Variants in BRINP1 observed in about 807,000 individuals in gnomAD.
The protein encoded by BRINP1 is BMP/retinoic acid-inducible neural-specific protein 1.
BRINP1 carries 17 observed loss-of-function variants against 72.9 expected under a neutral mutation model. The observed-to-expected ratio is 0.23, with a 90% CI of 0.16 to 0.35. BRINP1 has a LOEUF of 0.35. Ranked by LOEUF, BRINP1 falls within the 10% of genes least tolerant of loss-of-function variation. The pLI is 1.00. For synonymous variants in BRINP1, 418 were observed against 378.5 expected (o/e 1.10, Z -1.21); for missense variants, 850 against 1,001.6 (o/e 0.85, Z 2.04).
At chr9:119,169,581 A>G in intron 7 of BRINP1, among the ~76,000 whole-genome samples, 2 of 150,988 alleles carry the variant, frequency 1.3e-5, no homozygotes, top group East Asian at 3.9e-4. Flanking sequence ...CCCAGGCTTG[A>G]TTAGGTAAAC....
rs1831725821 is a variant in BRINP1 at position 119,368,990 on chromosome 9, A to T, written c.-51+66T>A. The stretch of plus-strand genomic sequence containing the variant: ...GGCAGAGGAGCGCGGGGACGCCCCG[A>T]ATGCGGCCCGGGGCCGGGTCCAAGG... On this transcript the variant is annotated intron_variant, in intron 1 of 7. Coordinates refer to ENST00000265922, the MANE Select transcript of BRINP1 (RefSeq NM_014618.3). This position sits in a 1 kb window ranked among gnomAD's most constrained non-coding sequence, Gnocchi z 4.7. 2.6e-6 allele frequency: 1 copy of T among 390,896 alleles called. No individual in the cohort carries two copies. Among genetic ancestry groups the T allele is most frequent in the Admixed American group, 4.5e-5 (1 of 22,426 alleles). The allele number at this position is 390,896 out of a possible 1,614,324, so 24.2% of individuals were successfully genotyped here. A position where few individuals can be genotyped will look rare whatever the true frequency, so the allele number is the denominator to read the frequency against.
intron 2 of BRINP1, among the ~76,000 whole-genome samples, chr9:119,253,085 G>T (rs1315812150): frequency 6.6e-6 from 1 of 152,150 alleles, no homozygotes; most frequent in Admixed American, 6.5e-5. Context: ...TTACCCTAAA[G>T]AACTAACTAC....
At chr9:119,221,811 C>T (rs1489381491) in intron 5 of BRINP1, among the ~76,000 whole-genome samples, 2 of 152,030 alleles carry the variant, frequency 1.3e-5, no homozygotes, top group Non-Finnish European at 1.5e-5. Context: ...TCAGACGTTT[C>T]AAAGGATGAA....
intron 7 of BRINP1, among the ~76,000 whole-genome samples, chr9:119,169,824 CT>C (rs1204137003): frequency 6.6e-6 from 1 of 152,216 alleles, no homozygotes; most frequent in African/African-American, 2.4e-5. Flanking sequence ...TCCCTGACCC[CT>C]GACCCCTGAG....
At chr9:119,193,079 G>C (rs1395836638) in intron 7 of BRINP1, among the ~76,000 whole-genome samples, 1 of 151,974 alleles carries the variant, frequency 6.6e-6, no homozygotes, top group African/African-American at 2.4e-5. Flanking sequence ...TAAATACTAT[G>C]ACATGGTTAT....
chr9:119,181,136 G>C (rs1235351083), intron 7 of BRINP1, among the ~76,000 whole-genome samples: 1 of 152,128 alleles, frequency 6.6e-6, no homozygotes, highest in East Asian at 1.9e-4. Context: ...GCTTCTCAAG[G>C]GTGACAGAAA....
At chr9:119,319,224 T>A (rs535066372) in intron 1 of BRINP1, among the ~76,000 whole-genome samples, 1 of 152,166 alleles carries the variant, frequency 6.6e-6, no homozygotes, top group African/African-American at 2.4e-5. Flanking sequence ...AGAGTTCTTC[T>A]CATTCTGCCA....
intron 2 of BRINP1, among the ~76,000 whole-genome samples, chr9:119,257,789 A>C (rs535459231): frequency 4.2e-4 from 64 of 152,272 alleles, no homozygotes; most frequent in Non-Finnish European, 7.1e-4. Flanking sequence ...CACGATCCTC[A>C]GCCAGCTCAG....
intron 2 of BRINP1, among the ~76,000 whole-genome samples, chr9:119,281,137 G>A (rs1179618235): frequency 5.3e-5 from 8 of 152,208 alleles, no homozygotes; most frequent in Admixed American, 2.6e-4. Context: ...TTCTGAGAGT[G>A]TAGAAATGTG....
At chr9:119,227,892 G>A (rs1830108319) in intron 5 of BRINP1, among the ~76,000 whole-genome samples, 1 of 152,010 alleles carries the variant, frequency 6.6e-6, no homozygotes, top group Non-Finnish European at 1.5e-5. Context: ...CTCTTAGTTG[G>A]TGGGATGGAT....
At chr9:119,244,559 A>C (rs917055970) in intron 3 of BRINP1, among the ~76,000 whole-genome samples, 13 of 152,164 alleles carry the variant, frequency 8.5e-5, no homozygotes, top group Admixed American at 7.9e-4. Context: ...GAATATGCTA[A>C]GAGTTTGAGC....
intron 2 of BRINP1, among the ~76,000 whole-genome samples, chr9:119,304,547 G>C (rs1830975080): frequency 6.6e-6 from 1 of 152,182 alleles, no homozygotes; most frequent in African/African-American, 2.4e-5. Flanking sequence ...GGAAGGCCTT[G>C]AGAGATAAAG....
chr9:119,249,403 C>A (rs1354842945), intron 2 of BRINP1, among the ~76,000 whole-genome samples: 1 of 152,056 alleles, frequency 6.6e-6, no homozygotes, highest in East Asian at 1.9e-4. Context: ...TACAGAGCAC[C>A]AGGGAGACAA....
intron 7 of BRINP1, among the ~76,000 whole-genome samples, chr9:119,204,088 G>C (rs1205906627): frequency 6.6e-6 from 1 of 152,170 alleles, no homozygotes; most frequent in Non-Finnish European, 1.5e-5. Flanking sequence ...TCCCCGTGGA[G>C]AGGTCCTGTG....
intron 2 of BRINP1, among the ~76,000 whole-genome samples, chr9:119,253,791 A>G (rs1012586620): frequency 3.9e-5 from 6 of 152,204 alleles, no homozygotes; most frequent in African/African-American, 1.4e-4. Flanking sequence ...CCTGTAATAC[A>G]TAAATGATAA....
chr9:119,185,624 C>G (rs1829608804), intron 7 of BRINP1, among the ~76,000 whole-genome samples: 1 of 152,150 alleles, frequency 6.6e-6, no homozygotes, highest in African/African-American at 2.4e-5. Context: ...GGTGAAAACC[C>G]TGTGAGGCAC....
Position 119,167,665 on chromosome 9 carries a change from C to T in BRINP1, c.1705G>A (p.Gly569Arg), listed in dbSNP as rs748260709. Reference sequence around the variant, plus strand: ...ATGTTCCAGCCCTCCGAATGGCTCCCGCTAAAGGGGTTGACATAGACAAAG... The same window carrying T: ...ATGTTCCAGCCCTCCGAATGGCTCCTGCTAAAGGGGTTGACATAGACAAAG... ...MFFVYVNPFS[G>R]SHSEGWNMPF... The change falls in exon 8 of 8, where the codon GGG (glycine) becomes AGG (arginine). Residue 569 changes from glycine (G) to arginine (R), a missense_variant. Transcript: ENST00000265922. This position sits in a 1 kb window ranked among gnomAD's most constrained non-coding sequence, Gnocchi z 4.3. The T allele has an allele frequency of 4.6e-5, 75 of 1,613,972 alleles. No homozygotes were observed. Among genetic ancestry groups the T allele is most frequent in the Non-Finnish European group, 5.7e-5 (67 of 1,180,036 alleles).
chr9:119,287,580 A>C (rs1230045321), intron 2 of BRINP1, among the ~76,000 whole-genome samples: 11 of 152,214 alleles, frequency 7.2e-5, no homozygotes, highest in Admixed American at 6.5e-4. Flanking sequence ...AAATAAGACA[A>C]TATAAAGGAC....
intron 1 of BRINP1, among the ~76,000 whole-genome samples, chr9:119,360,632 CAT>C (rs574601240): frequency 8.1e-4 from 124 of 152,294 alleles, no homozygotes; most frequent in African/African-American, 2.9e-3. Flanking sequence ...AAAAAGCAAT[CAT>C]ATCCTGGATG....
Sources: allele counts gnomAD v4.1 joint callset (sites outside exome capture counted in the v4.1 genomes callset), GRCh38; gene constraint gnomAD v4.1.1; non-coding constraint Gnocchi (gnomAD v3.1); transcripts MANE v1.5; gene names NCBI Gene and HGNC (gene_info 2026-07-23, HGNC 2026-07-21).